FNDC3B: variants seen among roughly 807,000 people sequenced by gnomAD.
FNDC3B encodes fibronectin type III domain-containing protein 3B.
FNDC3B carries 12 observed loss-of-function variants against 151.5 expected under a neutral mutation model. The observed-to-expected ratio is 0.08, with a 90% CI of 0.05 to 0.13. The LOEUF is 0.13. Ranked by LOEUF, FNDC3B falls within the 10% of genes least tolerant of loss-of-function variation. FNDC3B has a pLI of 1.00. For missense variants in FNDC3B, 1,214 were observed against 1,505.3 expected, an observed-to-expected ratio of 0.81 and a Z score of 3.20; for synonymous variants, 528 against 549.0, an observed-to-expected ratio of 0.96 and a Z score of 0.54.
At chr3:172,322,753 G>A (rs1732153409) in intron 11 of FNDC3B, among the ~76,000 whole-genome samples, 1 of 152,128 alleles carries the variant, frequency 6.6e-6, no homozygotes, top group African/African-American at 2.4e-5. Context: ...GGGCAAATGT[G>A]TACCCAGAAA....
At chr3:172,214,921 C>T (rs1357568978) in intron 3 of FNDC3B, among the ~76,000 whole-genome samples, 2 of 152,198 alleles carry the variant, frequency 1.3e-5, no homozygotes, top group African/African-American at 4.8e-5. Flanking sequence ...CTTTGTAAGC[C>T]TCACTAAAGC....
At chr3:172,181,595 C>G (rs1723907605) in intron 3 of FNDC3B, among the ~76,000 whole-genome samples, 2 of 151,580 alleles carry the variant, frequency 1.3e-5, no homozygotes, top group Non-Finnish European at 2.9e-5. Context: ...CTTTGGGAAG[C>G]CTAGGTGGGC....
intron 23 of FNDC3B, among the ~76,000 whole-genome samples, chr3:172,370,377 C>T (rs963537265): frequency 2.0e-5 from 3 of 152,186 alleles, no homozygotes; most frequent in African/African-American, 7.2e-5. Context: ...CTTCTTCCTT[C>T]AGTTGCACTT....
chr3:172,220,701 G>A (rs1302657636), intron 3 of FNDC3B, among the ~76,000 whole-genome samples: 1 of 151,956 alleles, frequency 6.6e-6, no homozygotes, highest in Non-Finnish European at 1.5e-5. Context: ...TATGAGATAG[G>A]GGTCCAAGTT....
At chr3:172,310,916 C>T (rs749877339) in intron 11 of FNDC3B, 35 bp downstream of exon 11, 63 of 1,478,656 alleles carry the variant, frequency 4.3e-5, no homozygotes, top group Non-Finnish European at 5.6e-5. Flanking sequence ...ATCTAAAACA[C>T]CATTTCAAAA....
chr3:172,257,989 T>TACC (rs1230579793), intron 6 of FNDC3B, among the ~76,000 whole-genome samples: 1 of 152,192 alleles, frequency 6.6e-6, no homozygotes, highest in African/African-American at 2.4e-5. Context: ...ACACTTGGTT[T>TACC]AAGTTGAAGT....
chr3:172,341,171 G>A lies in FNDC3B; in HGVS notation c.1911G>A (p.Leu637=). 1 of 1,614,226 alleles carries A rather than the reference G, an allele frequency of 6.2e-7. No homozygotes were observed. The highest frequency in any genetic ancestry group is 1.1e-5 in the South Asian group (1 of 91,084). The part of the protein sequence containing the change: ...GSATEYTFTH[L]KPGTLYKLRA... ...CTACCGAATACACCTTCACCCACTT[G>A]AAACCAGGCACTTTGTACAAACTCC... The change falls in exon 17 of 26, where the codon TTG becomes TTA. Residue 637 remains leucine, a synonymous_variant. Transcript: ENST00000415807.
chr3:172,280,606 A>G (rs1303898392), intron 6 of FNDC3B, among the ~76,000 whole-genome samples: 1 of 152,250 alleles, frequency 6.6e-6, no homozygotes, highest in Non-Finnish European at 1.5e-5. Context: ...AATAATGTTG[A>G]TGTCATCCCA....
intron 1 of FNDC3B, among the ~76,000 whole-genome samples, chr3:172,104,375 C>T (rs1286296805): frequency 1.3e-5 from 2 of 150,122 alleles, no homozygotes; most frequent in Non-Finnish European, 2.9e-5. Context: ...TTTTCCAATA[C>T]TCAGTGCTGG....
chr3:172,378,407 C>T lies in FNDC3B; in HGVS notation c.3146C>T (p.Thr1049Ile). 1 of 1,613,004 alleles carries T rather than the reference C, an allele frequency of 6.2e-7. No individual in the cohort carries two copies. The highest frequency in any genetic ancestry group is 8.5e-7 in the Non-Finnish European group (1 of 1,179,624). ...TTCTCAGAAACCTATACCTTCAGCA[C>T]AACCAAAAGTGTCCCCCCCACCATC... ...GPFSETYTFSTTKSVPPTIKA... is the reference protein window; with the variant it reads ...GPFSETYTFSITKSVPPTIKA... The change falls in exon 24 of 26, where the codon ACA (threonine) becomes ATA (isoleucine). Residue 1049 changes from threonine (T) to isoleucine (I), a missense_variant. Coordinates refer to ENST00000415807, the MANE Select transcript of FNDC3B (RefSeq NM_022763.4).
chr3:172,118,464 A>G lies in FNDC3B; in HGVS notation c.111+5874A>G, dbSNP rs186263755. Among the ~76,000 whole-genome samples, 12 of 152,372 alleles carry G rather than the reference A, an allele frequency of 7.9e-5. No homozygotes were observed. The East Asian group carries it at 2.1e-3, about 27-fold the overall frequency. Reference sequence around the variant, plus strand: ...ACAGAAAGGAAGTTTTGTAATCAGTATATTGTAGAAAAATGAATAAACAAC... The same window carrying G: ...ACAGAAAGGAAGTTTTGTAATCAGTGTATTGTAGAAAAATGAATAAACAAC... On this transcript the variant is annotated intron_variant, in intron 2 of 25. Coordinates refer to ENST00000415807, the MANE Select transcript of FNDC3B (RefSeq NM_022763.4).
At chr3:172,349,404 C>A (rs146063084) in intron 21 of FNDC3B, among the ~76,000 whole-genome samples, 1 of 152,128 alleles carries the variant, frequency 6.6e-6, no homozygotes, top group African/African-American at 2.4e-5. Context: ...TAAGTACCAA[C>A]GTAATTCCAT....
At chr3:172,270,212 A>G (rs1188773061) in intron 6 of FNDC3B, among the ~76,000 whole-genome samples, 4 of 152,234 alleles carry the variant, frequency 2.6e-5, no homozygotes, top group Non-Finnish European at 4.4e-5. Context: ...TAGAGCTTAA[A>G]TGGGTAAAAT....
intron 11 of FNDC3B, among the ~76,000 whole-genome samples, chr3:172,321,124 G>A (rs1189414535): frequency 6.6e-6 from 1 of 152,218 alleles, no homozygotes; most frequent in African/African-American, 2.4e-5. Context: ...TACCCAGAGA[G>A]AGAGGTGGAA....
Position 172,330,647 on chromosome 3 carries a change from A to G in FNDC3B, c.1486A>G (p.Ser496Gly). Residue 496 changes from serine (S) to glycine (G), a missense_variant, in exon 13 of 26, where the codon AGT becomes GGT. Physicochemically the swap from Ser to Gly is moderately conservative, Grantham distance 56 (BLOSUM62 0). Around this residue, in one of 7 missense-constraint regions of FNDC3B, gnomAD observed 111 missense variants for 96.8 expected, o/e 1.15. Transcript: ENST00000415807. Reference protein sequence around the residue: ...AGITWVTLQWSKPEGCSPEEV... With the variant: ...AGITWVTLQWGKPEGCSPEEV... The stretch of plus-strand genomic sequence containing the variant: ...CATCACATGGGTCACGTTGCAGTGG[A>G]GTAAGCCAGAAGGCTGTTCACCCGA... The G allele has an allele frequency of 6.2e-7, 1 of 1,614,190 alleles. No individual in the cohort carries two copies.
At chr3:172,256,077 C>G (rs1384858034) in intron 6 of FNDC3B, among the ~76,000 whole-genome samples, 1 of 152,232 alleles carries the variant, frequency 6.6e-6, no homozygotes, top group South Asian at 2.1e-4. Context: ...TTGTGGTGCT[C>G]CCCACTGTCT....
At chr3:172,322,182 G>A (rs529373832) in intron 11 of FNDC3B, among the ~76,000 whole-genome samples, 46 of 152,286 alleles carry the variant, frequency 3.0e-4, no homozygotes, top group African/African-American at 1.0e-3. Context: ...GAGTTTCAGC[G>A]AGGAGGGCTC....
intron 2 of FNDC3B, among the ~76,000 whole-genome samples, chr3:172,128,503 G>T (rs1369039314): frequency 6.6e-6 from 1 of 152,118 alleles, no homozygotes; most frequent in Non-Finnish European, 1.5e-5. Context: ...AGGTGTGTGT[G>T]GATGAACAGT....
At chr3:172,200,423 C>T (rs895237695) in intron 3 of FNDC3B, among the ~76,000 whole-genome samples, 6 of 152,152 alleles carry the variant, frequency 3.9e-5, no homozygotes, top group African/African-American at 1.2e-4. Context: ...GATTTTTTGG[C>T]TTTATAATGG....
Sources: allele counts gnomAD v4.1 joint callset (sites outside exome capture counted in the v4.1 genomes callset), GRCh38; gene constraint gnomAD v4.1.1; regional missense constraint gnomAD v4.1.1; transcripts MANE v1.5; gene names NCBI Gene and HGNC (gene_info 2026-07-23, HGNC 2026-07-21).